The following CLTRN variants were observed in gnomAD, a reference collection of about 807,000 sequenced individuals.
The protein encoded by CLTRN is collectrin.
In CLTRN, 12 loss-of-function variants were observed where a neutral mutation model predicts 14.5. The ratio of observed to expected loss-of-function variants is 0.83; its 90% CI spans 0.53 to 1.34. The LOEUF is 1.34. CLTRN is among the 40% of genes most tolerant of loss of function. The pLI is 0.00. For synonymous variants in CLTRN, 58 were observed against 56.5 expected, an observed-to-expected ratio of 1.03 and a Z score of -0.12; for missense variants, 154 against 165.1, an observed-to-expected ratio of 0.93 and a Z score of 0.37.
At chrX:15,650,016 G>T in intron 3 of CLTRN, among the ~76,000 whole-genome samples, 1 of 103,062 alleles carries the variant, frequency 9.7e-6, no homozygotes, top group African/African-American at 3.6e-5. Context: ...TAACATTTTA[G>T]CCTGGATAAT....
At chrX:15,641,136 A>G (rs2147200129) in intron 4 of CLTRN, among the ~76,000 whole-genome samples, 1 of 112,535 alleles carries the variant, frequency 8.9e-6, no homozygotes, top group Admixed American at 9.4e-5. Context: ...GGAGTTCAAA[A>G]GCTTAGAAAA....
chrX:15,642,926 C>CAA (rs58097600), intron 4 of CLTRN, among the ~76,000 whole-genome samples: 1 of 83,562 alleles, frequency 1.2e-5, no homozygotes, highest in Non-Finnish European at 2.5e-5. Flanking sequence ...CCTGTCTCTA[C>CAA]AAAAAAAAAA....
intron 3 of CLTRN, chrX:15,646,462 AC>A: frequency 5.9e-5 from 10 of 170,749 alleles, no homozygotes; most frequent in Non-Finnish European, 1.1e-4. Context: ...CCGCGCACCC[AC>A]CCCCCCGCCC....
Position 15,664,749 on chromosome X carries a change from C to G in CLTRN, c.27G>C (p.Val9=). MLWLLFFL[V]TAIHAELCQP... Reference sequence around the variant, plus strand: ...GACAGAGTTCAGCATGAATGGCAGTCACCAGAAAAAAGAGCAGCCACAACA... The same window carrying G: ...GACAGAGTTCAGCATGAATGGCAGTGACCAGAAAAAAGAGCAGCCACAACA... Residue 9 remains valine (V), a synonymous_variant, in exon 1 of 6, where the codon GTG becomes GTC. Coordinates refer to ENST00000380342, the MANE Select transcript of CLTRN (RefSeq NM_020665.6). 1.7e-6 allele frequency: 2 copies of G among 1,209,584 alleles called. No homozygotes were observed. Among genetic ancestry groups the G allele is most frequent in the Non-Finnish European group, 2.2e-6 (2 of 894,517 alleles).
Position 15,672,978 on chromosome X carries a change from G to A in CLTRN, c.-506+2011C>T, listed in dbSNP as rs771426517. Among the ~76,000 whole-genome samples the A allele has an allele frequency of 3.8e-4, 43 of 111,711 alleles. 1 individual carries two copies. The highest frequency in any genetic ancestry group is 2.3e-4 in the African/African-American group (7 of 30,668). On this transcript the variant is annotated intron_variant, in intron 1 of 6. Coordinates refer to the CLTRN transcript ENST00000650271. ...CCATTGTGGGGCTGTGTACTCAGTC[G>A]AACAGGAAATTTTGGATGGTTCATG...
intron 3 of CLTRN, among the ~76,000 whole-genome samples, chrX:15,655,701 C>G (rs1323705137): frequency 1.8e-5 from 2 of 112,026 alleles, no homozygotes; most frequent in African/African-American, 6.5e-5. Flanking sequence ...AGTTTCTGTT[C>G]CAGATACACT....
At chrX:15,652,070 T>C (rs1011067755) in intron 3 of CLTRN, among the ~76,000 whole-genome samples, 3 of 112,217 alleles carry the variant, frequency 2.7e-5, no homozygotes, top group African/African-American at 9.7e-5. Context: ...TGACTGCACA[T>C]AGTTCTGTAA....
Position 15,628,046 on chromosome X carries a change from A to G in CLTRN, c.594T>C (p.Ser198=), listed in dbSNP as rs1928604526. 8.7e-7 allele frequency: 1 copy of G among 1,151,054 alleles called. No homozygotes were observed. Among genetic ancestry groups the G allele is most frequent in the African/African-American group, 1.8e-5 (1 of 55,827 alleles). 94.9% of individuals were successfully genotyped at this position (1,151,054 alleles called of 1,213,427 possible). Residue 198 remains serine, a synonymous_variant, in exon 6 of 6, where the codon TCT becomes TCC. Coordinates refer to ENST00000380342, the MANE Select transcript of CLTRN (RefSeq NM_020665.6). ...GCCCTCCCTTCATGTCCAGGGGATCAGAGGGGATGCCATTTTCAATTGTGA... is the reference window on the plus strand; with the variant it reads ...GCCCTCCCTTCATGTCCAGGGGATCGGAGGGGATGCCATTTTCAATTGTGA... The part of the protein sequence containing the change: ...NMITIENGIP[S]DPLDMKGGHI...
intron 3 of CLTRN, among the ~76,000 whole-genome samples, chrX:15,657,426 T>C (rs1391346047): frequency 1.8e-5 from 2 of 112,620 alleles, no homozygotes; most frequent in African/African-American, 6.5e-5. Flanking sequence ...CAATCTGAAA[T>C]GTTATATACT....
At chrX:15,656,980 G>A (rs181572837) in intron 3 of CLTRN, among the ~76,000 whole-genome samples, 3 of 109,503 alleles carry the variant, frequency 2.7e-5, no homozygotes, top group Non-Finnish European at 3.8e-5. Flanking sequence ...TCACCAACCC[G>A]ACATATATCC....
In CLTRN at chrX:15,627,502, C is replaced by A. The variant is rs189021003; in HGVS notation, c.*469G>T. ...TGTATATGAGTAATTCCATTTTTAT[C>A]CATCCATTTACAATAATTACTTCTC... On this transcript the variant is annotated 3_prime_UTR_variant, in exon 6 of 6. Transcript: ENST00000380342. 602 of 112,235 alleles carry A rather than the reference C, an allele frequency of 5.4e-3. 4 individuals carry two copies. The highest frequency in any genetic ancestry group is 9.6e-3 in the Non-Finnish European group (511 of 53,222). 9.2% of individuals were successfully genotyped at this position (112,235 alleles called of 1,213,427 possible).
chrX:15,670,500 GTAT>G (rs1376673123), intron 1 of CLTRN, among the ~76,000 whole-genome samples: 1 of 111,496 alleles, frequency 9.0e-6, no homozygotes, highest in Non-Finnish European at 1.9e-5. Flanking sequence ...CAAGATGTTT[GTAT>G]TATTAATAAT....
chrX:15,675,414 G>GGGGGCGCGGT (rs1239088591), upstream of CLTRN: 3 of 53,483 alleles, frequency 5.6e-5, no homozygotes, highest in Non-Finnish European at 6.4e-5. Flanking sequence ...GCAGAGACGT[G>GGGGGCGCGGT]CCTCGAACGT....
chrX:15,671,905 G>C (rs1382949083), intron 1 of CLTRN, among the ~76,000 whole-genome samples: 1 of 107,989 alleles, frequency 9.3e-6, no homozygotes, highest in African/African-American at 3.4e-5. Context: ...TCCTTGGTAA[G>C]CAAGAAACTC....
chrX:15,628,421 T>C (rs1219779075), intron 5 of CLTRN, among the ~76,000 whole-genome samples: 1 of 109,109 alleles, frequency 9.2e-6, no homozygotes. Flanking sequence ...TATATGAATA[T>C]GAGTGTATAT....
chrX:15,670,904 G>A (rs1168761662), intron 1 of CLTRN, among the ~76,000 whole-genome samples: 2 of 96,255 alleles, frequency 2.1e-5, no homozygotes, highest in African/African-American at 9.6e-5. Context: ...GTGTGTGTGT[G>A]TGTGTGTGTG....
intron 3 of CLTRN, among the ~76,000 whole-genome samples, chrX:15,657,312 T>C (rs779192172): frequency 4.9e-4 from 55 of 112,718 alleles, no homozygotes; most frequent in African/African-American, 1.5e-3. Context: ...AGTGCCCAAC[T>C]GTAAGTCAAA....
intron 2 of CLTRN, 92 bp from the exon 3 acceptor site, chrX:15,659,193 C>A: frequency 5.8e-6 from 1 of 172,853 alleles, no homozygotes; most frequent in East Asian, 1.3e-4. Flanking sequence ...TCTCTCTCTC[C>A]ACACACACAC....
chrX:15,653,238 T>C (rs1356380221), intron 3 of CLTRN, among the ~76,000 whole-genome samples: 2 of 111,012 alleles, frequency 1.8e-5, no homozygotes, highest in African/African-American at 6.6e-5. Context: ...TGAAGAGTGC[T>C]TGCCCGGCAG....
Sources: gnomAD v4.1 joint callset for allele counts (sites outside exome capture counted in the v4.1 genomes callset) on GRCh38, gnomAD v4.1.1 for gene constraint, MANE v1.5 for transcripts, NCBI Gene and HGNC (gene_info 2026-07-23, HGNC 2026-07-21) for gene names.